The following TPPP variants were observed in gnomAD, a reference collection of about 807,000 sequenced individuals.
TPPP encodes the protein tubulin polymerization promoting protein, also known as tubulin polymerization-promoting protein.
A neutral mutation model predicts 15.5 loss-of-function variants in TPPP; 6 were observed. The ratio of observed to expected loss-of-function variants is 0.39; its 90% CI spans 0.21 to 0.77. TPPP has a LOEUF of 0.77. TPPP is among the 30% of genes least tolerant of loss of function. The pLI, the probability that TPPP is intolerant of heterozygous loss-of-function variation, is 0.42. For missense variants in TPPP, 269 were observed against 307.2 expected, an observed-to-expected ratio of 0.88 and a Z score of 0.93; for synonymous variants, 146 against 133.9, an observed-to-expected ratio of 1.09 and a Z score of -0.63.
At chr5:669,364 G>T (rs1004544781) in intron 2 of TPPP, among the ~76,000 whole-genome samples, 3 of 152,166 alleles carry the variant, frequency 2.0e-5, no homozygotes, top group African/African-American at 7.2e-5. Flanking sequence ...TGACGCGCTC[G>T]GCGTGGACAC....
intron 1 of TPPP, among the ~76,000 whole-genome samples, chr5:681,224 C>G (rs1331000293): frequency 1.3e-5 from 2 of 152,180 alleles, no homozygotes; most frequent in African/African-American, 4.8e-5. Flanking sequence ...TGCAGACCCT[C>G]ACACCATTTC....
chr5:700,349 A>G, the TPPP span, among the ~76,000 whole-genome samples: 1 of 151,994 alleles, frequency 6.6e-6, no homozygotes, highest in Non-Finnish European at 1.5e-5. Flanking sequence ...AAAGTCAAAT[A>G]CCACATGTTC....
chr5:668,232 TGTGGGCGCCGTCAGGGAAGTGCG>T (rs1740021347), intron 2 of TPPP, among the ~76,000 whole-genome samples: 1 of 32,740 alleles, frequency 3.1e-5, no homozygotes, highest in African/African-American at 1.2e-4. Flanking sequence ...GAGGGGGCCG[TGTGGGCGCCGTCAGGGAAGTGCG>T]GACAAGCACA....
chr5:685,808 G>A (rs1740751344), intron 1 of TPPP, among the ~76,000 whole-genome samples: 1 of 152,186 alleles, frequency 6.6e-6, no homozygotes, highest in Admixed American at 6.5e-5. Context: ...AGGCGGGGCA[G>A]TCTCAGAGAA....
chr5:700,388 A>G, the TPPP span, among the ~76,000 whole-genome samples: 50 of 152,110 alleles, frequency 3.3e-4, no homozygotes, highest in African/African-American at 8.7e-4. Context: ...TAAACAATGT[A>G]TACACATGGA....
intron 1 of TPPP, among the ~76,000 whole-genome samples, chr5:683,182 G>C (rs990522520): frequency 6.6e-6 from 1 of 152,200 alleles, no homozygotes; most frequent in African/African-American, 2.4e-5. Context: ...ACAGCTGCTT[G>C]TGCCTCAGTC....
intron 2 of TPPP, 40 bp from the exon 3 acceptor site, chr5:666,163 G>A (rs1442717530): frequency 6.3e-7 from 1 of 1,594,296 alleles, no homozygotes. Flanking sequence ...GCGCGGGCCG[G>A]CCCAGGGCTG....
upstream of TPPP, among the ~76,000 whole-genome samples, chr5:697,543 C>A (rs1239275648): frequency 6.6e-6 from 1 of 152,032 alleles, no homozygotes; most frequent in African/African-American, 2.4e-5. Flanking sequence ...AGAGGACACA[C>A]CCCTCTGGCA....
intron 2 of TPPP, among the ~76,000 whole-genome samples, chr5:674,636 G>C (rs185601080): frequency 6.6e-6 from 1 of 152,070 alleles, no homozygotes; most frequent in Admixed American, 6.5e-5. Context: ...CCACCAGAGC[G>C]GCCCTGGTCA....
chr5:676,116 C>G (rs1740422811), intron 2 of TPPP: 2 of 152,218 alleles, frequency 1.3e-5, no homozygotes, highest in Admixed American at 1.3e-4. Context: ...GCAAGGCAGT[C>G]AGCTGGAGAG....
chr5:665,784 C>T (rs1336055473), intron 3 of TPPP, among the ~76,000 whole-genome samples, 186 bp downstream of exon 3: 1 of 150,144 alleles, frequency 6.7e-6, no homozygotes, highest in Non-Finnish European at 1.5e-5. Flanking sequence ...ATTCATGCCC[C>T]TTCTGACCAC....
intron 1 of TPPP, among the ~76,000 whole-genome samples, chr5:682,060 C>T (rs1193859257): frequency 2.4e-4 from 36 of 151,354 alleles, no homozygotes; most frequent in African/African-American, 8.6e-4. Flanking sequence ...GAATGAATCT[C>T]CTGGGAAACG....
At chr5:683,696 C>T (rs1254059899) in intron 1 of TPPP, among the ~76,000 whole-genome samples, 1 of 152,254 alleles carries the variant, frequency 6.6e-6, no homozygotes, top group Non-Finnish European at 1.5e-5. Context: ...GAAGGGCACG[C>T]TGTGTTGCAA....
intron 1 of TPPP, chr5:692,660 C>T (rs1297629721): frequency 1.0e-6 from 1 of 983,328 alleles, no homozygotes; most frequent in South Asian, 4.7e-5. Context: ...CCCGGCAGCG[C>T]CTCTCCATCG....
intron 2 of TPPP, among the ~76,000 whole-genome samples, chr5:674,433 GA>G (rs1561086321): frequency 6.6e-6 from 1 of 150,838 alleles, no homozygotes; most frequent in African/African-American, 2.5e-5. Context: ...GCCACACTGC[GA>G]ACCCCACCTG....
chr5:687,008 G>A (rs1288526561), intron 1 of TPPP, among the ~76,000 whole-genome samples: 4 of 138,648 alleles, frequency 2.9e-5, no homozygotes, highest in Non-Finnish European at 6.6e-5. Flanking sequence ...TGTGAGAAGT[G>A]AACATATCAT....
intron 1 of TPPP, among the ~76,000 whole-genome samples, chr5:679,454 G>A (rs111376918): frequency 0.073 from 9,517 of 131,058 alleles, 676 homozygotes; most frequent in African/African-American, 0.16. Context: ...GGGGGTGGAA[G>A]GGCCAGGTCA....
chr5:699,366 G>A, the TPPP span, among the ~76,000 whole-genome samples: 1 of 152,182 alleles, frequency 6.6e-6, no homozygotes, highest in African/African-American at 2.4e-5. Flanking sequence ...ATGACACTGA[G>A]GAAATGACAC....
chr5:666,178 C>T (rs1739905381), intron 2 of TPPP, 55 bp from the exon 3 acceptor site: 5 of 1,574,402 alleles, frequency 3.2e-6, no homozygotes, highest in East Asian at 2.3e-5. Context: ...GGGCTGCCCT[C>T]CCCACGCGTG....
Sources: allele counts gnomAD v4.1 joint callset (sites outside exome capture counted in the v4.1 genomes callset), GRCh38; gene constraint gnomAD v4.1.1; transcripts MANE v1.5; gene names NCBI Gene and HGNC (gene_info 2026-07-23, HGNC 2026-07-21).